Variants in CAMKMT observed in about 807,000 individuals in gnomAD.
CAMKMT encodes calmodulin-lysine N-methyltransferase.
CAMKMT carries 53 observed loss-of-function variants against 48.0 expected under a neutral mutation model. That is an observed-to-expected ratio of 1.10 (90% CI 0.89 to 1.39). The LOEUF (loss-of-function observed/expected upper bound fraction) is 1.39. CAMKMT is among the 40% of genes most tolerant of loss of function. The pLI is 0.00. For missense variants in CAMKMT, 428 were observed against 402.7 expected, an observed-to-expected ratio of 1.06 and a Z score of -0.54; for synonymous variants, 165 against 152.3, an observed-to-expected ratio of 1.08 and a Z score of -0.61.
chr2:44,475,423 T>G (rs1030638283), intron 3 of CAMKMT, among the ~76,000 whole-genome samples: 11 of 152,058 alleles, frequency 7.2e-5, no homozygotes, highest in Non-Finnish European at 1.5e-5. Context: ...GTTCTAGTGA[T>G]TCTCCTGTCT....
At chr2:44,654,506 C>T (rs1410904992) in intron 3 of CAMKMT, among the ~76,000 whole-genome samples, 2 of 152,016 alleles carry the variant, frequency 1.3e-5, no homozygotes, top group Non-Finnish European at 2.9e-5. Context: ...ATGCTACAAA[C>T]CATTTTTCGT....
chr2:44,578,985 A>G (rs1572844548), intron 3 of CAMKMT, among the ~76,000 whole-genome samples: 1 of 152,242 alleles, frequency 6.6e-6, no homozygotes, highest in East Asian at 1.9e-4. Flanking sequence ...CAGTGGTGGA[A>G]GTGAAACCAA....
intron 3 of CAMKMT, among the ~76,000 whole-genome samples, chr2:44,704,058 A>G (rs1293844968): frequency 6.6e-6 from 1 of 152,226 alleles, no homozygotes; most frequent in Non-Finnish European, 1.5e-5. Context: ...AAAATTTAGT[A>G]TAATTTATTT....
chr2:44,561,030 AC>A (rs1668295961), intron 3 of CAMKMT, among the ~76,000 whole-genome samples: 1 of 152,072 alleles, frequency 6.6e-6, no homozygotes, highest in African/African-American at 2.4e-5. Context: ...CCTTCCTGTC[AC>A]CCTTTATTAT....
chr2:44,665,791 A>G (rs1674934552), intron 3 of CAMKMT, among the ~76,000 whole-genome samples: 2 of 152,340 alleles, frequency 1.3e-5, no homozygotes, highest in Admixed American at 6.5e-5. Flanking sequence ...CAAGGATCAG[A>G]GCTGCAATTC....
At chr2:44,367,055 A>G (rs1205443968) in intron 1 of CAMKMT, among the ~76,000 whole-genome samples, 1 of 152,112 alleles carries the variant, frequency 6.6e-6, no homozygotes, top group East Asian at 1.9e-4. Flanking sequence ...GGGAAACACT[A>G]TAGCTTCCGC....
chr2:44,740,369 A>G (rs1285129552), intron 7 of CAMKMT, among the ~76,000 whole-genome samples: 2 of 151,974 alleles, frequency 1.3e-5, no homozygotes, highest in Non-Finnish European at 1.5e-5. Context: ...GGCTTAAGCA[A>G]TCCACCCGCT....
intron 3 of CAMKMT, among the ~76,000 whole-genome samples, chr2:44,519,883 A>G (rs1190408350): frequency 6.6e-6 from 1 of 152,122 alleles, no homozygotes; most frequent in African/African-American, 2.4e-5. Context: ...CTGGGACTAC[A>G]GGTGCACAGC....
intron 3 of CAMKMT, among the ~76,000 whole-genome samples, chr2:44,541,767 T>C (rs1243533986): frequency 7.0e-6 from 1 of 142,988 alleles, no homozygotes; most frequent in Non-Finnish European, 1.5e-5. Flanking sequence ...TGAAACTCTG[T>C]CTCAAAAAAA....
chr2:44,509,356 C>A (rs996398116), intron 3 of CAMKMT, among the ~76,000 whole-genome samples: 15 of 151,732 alleles, frequency 9.9e-5, no homozygotes, highest in African/African-American at 3.4e-4. Flanking sequence ...TCTTTGTCAC[C>A]CAGGCTGGAG....
intron 3 of CAMKMT, among the ~76,000 whole-genome samples, chr2:44,497,455 A>G (rs1209328730): frequency 6.6e-6 from 1 of 152,150 alleles, no homozygotes; most frequent in East Asian, 1.9e-4. Flanking sequence ...TAATTTTTCT[A>G]AACATTTTTT....
At chr2:44,363,688 CTTTTTT>C (rs577698393) in intron 1 of CAMKMT, among the ~76,000 whole-genome samples, 1 of 127,814 alleles carries the variant, frequency 7.8e-6, no homozygotes, top group African/African-American at 2.9e-5. Flanking sequence ...CAACCCCCTT[CTTTTTT>C]TTTTTTTTTT....
chr2:44,384,810 T>C (rs1054456252), intron 2 of CAMKMT, among the ~76,000 whole-genome samples: 5 of 152,182 alleles, frequency 3.3e-5, no homozygotes, highest in Non-Finnish European at 5.9e-5. Flanking sequence ...GATTTATTTC[T>C]GGTTTCTCTA....
At position 44,561,729 on chromosome 2, in the gene CAMKMT, C is replaced by T. The variant is rs58286350; in HGVS notation, c.377-142554C>T. On this transcript the variant is annotated intron_variant, in intron 3 of 10. Coordinates refer to ENST00000378494, the MANE Select transcript of CAMKMT (RefSeq NM_024766.5). The stretch of plus-strand genomic sequence containing the variant: ...ATATTATGGGGTTTAGAGCAAGTTG[C>T]ACTTAAGACATTGATGAGGGACCTT... Among the ~76,000 whole-genome samples, 1,386 of 152,290 alleles carry T rather than the reference C, an allele frequency of 9.1e-3. 17 individuals are homozygous for T. Among genetic ancestry groups the T allele is most frequent in the African/African-American group, 0.026 (1,081 of 41,550 alleles).
At chr2:44,520,582 T>C (rs1321877072) in intron 3 of CAMKMT, among the ~76,000 whole-genome samples, 2 of 152,216 alleles carry the variant, frequency 1.3e-5, no homozygotes, top group East Asian at 1.9e-4. Flanking sequence ...TGCAACATGA[T>C]ACAATGGAAA....
intron 3 of CAMKMT, among the ~76,000 whole-genome samples, chr2:44,553,442 C>T (rs1248186075): frequency 6.6e-6 from 1 of 151,662 alleles, no homozygotes; most frequent in Non-Finnish European, 1.5e-5. Flanking sequence ...CTTACTGTAA[C>T]CTCCACCTCC....
intron 3 of CAMKMT, among the ~76,000 whole-genome samples, chr2:44,565,699 T>TA (rs1489187220): frequency 2.0e-5 from 3 of 148,512 alleles, no homozygotes; most frequent in Admixed American, 6.7e-5. Flanking sequence ...AGTCTGGAAT[T>TA]AAAAAAACAA....
intron 3 of CAMKMT, among the ~76,000 whole-genome samples, chr2:44,632,590 A>T (rs1381985246): frequency 1.3e-5 from 2 of 152,170 alleles, no homozygotes; most frequent in Admixed American, 1.3e-4. Flanking sequence ...AATACAGTAC[A>T]GTGATGGTTA....
At chr2:44,638,183 T>G (rs956153734) in intron 3 of CAMKMT, among the ~76,000 whole-genome samples, 1 of 152,188 alleles carries the variant, frequency 6.6e-6, no homozygotes, top group African/African-American at 2.4e-5. Context: ...TCAACTATGG[T>G]TTCATCTTCT....
Sources: gnomAD v4.1 joint callset for allele counts (sites outside exome capture counted in the v4.1 genomes callset) on GRCh38, gnomAD v4.1.1 for gene constraint, MANE v1.5 for transcripts, NCBI Gene and HGNC (gene_info 2026-07-23, HGNC 2026-07-21) for gene names.